The following TTLL7 variants were observed in gnomAD, a reference collection of about 807,000 sequenced individuals.
TTLL7 encodes the protein tubulin polyglutamylase TTLL7.
Under a neutral mutation model 120.2 loss-of-function variants are expected in TTLL7, and 53 were observed. The observed-to-expected ratio is 0.44, with a 90% CI of 0.35 to 0.55. TTLL7 has a LOEUF of 0.55. Ranked by LOEUF, TTLL7 falls within the 20% of genes least tolerant of loss-of-function variation. The probability of loss-of-function intolerance (pLI) is 0.00; values close to 1 mark genes in which losing one functional copy is unlikely to be tolerated. For synonymous variants in TTLL7, 353 were observed against 351.7 expected (o/e 1.00, Z -0.04); for missense variants, 803 against 1,054.7 (o/e 0.76, Z 3.31).
chr1:83,935,342 T>A (rs1455587715), intron 8 of TTLL7, among the ~76,000 whole-genome samples: 1 of 152,052 alleles, frequency 6.6e-6, no homozygotes, highest in Non-Finnish European at 1.5e-5. Flanking sequence ...TACAAATCTG[T>A]GTTTTTGCTA....
chr1:83,977,371 C>G (rs1052676415), intron 1 of TTLL7, among the ~76,000 whole-genome samples: 1 of 151,960 alleles, frequency 6.6e-6, no homozygotes, highest in African/African-American at 2.4e-5. Flanking sequence ...ACAATTCAGC[C>G]AGTCTTTCTG....
At chr1:83,933,856 GC>G (rs1659802043) in intron 8 of TTLL7, 90 bp from the exon 9 acceptor site, 1 of 1,302,548 alleles carries the variant, frequency 7.7e-7, no homozygotes, top group African/African-American at 1.5e-5. Flanking sequence ...TGGCAGCCTG[GC>G]CAAGTTTACA....
chr1:83,972,947 T>A (rs1651126436), intron 1 of TTLL7, among the ~76,000 whole-genome samples: 1 of 152,108 alleles, frequency 6.6e-6, no homozygotes, highest in South Asian at 2.1e-4. Flanking sequence ...GTTTTAAGAG[T>A]TCTTTGTATA....
At position 83,918,201 on chromosome 1, in the gene TTLL7, G is replaced by A. The variant is rs143935159; in HGVS notation, c.1501-511C>T. Reference sequence around the variant, plus strand: ...AAACTCTTTCAAAATTTTAATGATTGCACAAAGTATTTTTAGAACTTTATA... The same window carrying A: ...AAACTCTTTCAAAATTTTAATGATTACACAAAGTATTTTTAGAACTTTATA... On this transcript the variant is annotated intron_variant, in intron 13 of 20. Coordinates refer to ENST00000260505, the MANE Select transcript of TTLL7 (RefSeq NM_024686.6). 2.0e-5 allele frequency among the ~76,000 whole-genome samples: 3 copies of A among 152,212 alleles called. No homozygotes were observed. In the East Asian group the frequency reaches 5.8e-4, roughly 29 times the overall value.
At chr1:83,910,196 CGTAA>C (rs1340739927) in intron 15 of TTLL7, among the ~76,000 whole-genome samples, 1 of 152,140 alleles carries the variant, frequency 6.6e-6, no homozygotes, top group South Asian at 2.1e-4. Flanking sequence ...TGCATTTTGC[CGTAA>C]GTGTTTAAGG....
At chr1:83,942,004 T>C (rs563119658) in intron 7 of TTLL7, among the ~76,000 whole-genome samples, 1 of 152,318 alleles carries the variant, frequency 6.6e-6, no homozygotes, top group African/African-American at 2.4e-5. Context: ...TTTCATATAC[T>C]TTCTCCCACA....
At chr1:83,919,072 C>A (rs555030930) in intron 13 of TTLL7, among the ~76,000 whole-genome samples, 3 of 152,030 alleles carry the variant, frequency 2.0e-5, no homozygotes, top group Admixed American at 1.3e-4. Flanking sequence ...GTGAAGCTAC[C>A]CTGGATTTCT....
In TTLL7 at chr1:83,892,431, TATATATGAACATATGAATGAAC is replaced by T. The variant is rs1344871006; in HGVS notation, c.2209-1972_2209-1951del. On this transcript the variant is annotated intron_variant, in intron 18 of 20. Coordinates refer to ENST00000260505, the MANE Select transcript of TTLL7 (RefSeq NM_024686.6). ...ATATATATGAACATATATATGAACATATATATGAACATATGAATGAACATATATGAACATATATATGAACATA... is the reference window on the plus strand; with the variant it reads ...ATATATATGAACATATATATGAACATATATATGAACATATATATGAACATA... Among the ~76,000 whole-genome samples the T allele has an allele frequency of 3.4e-3, 483 of 141,486 alleles. 62 individuals carry two copies. Among genetic ancestry groups the T allele is most frequent in the African/African-American group, 0.011 (407 of 38,386 alleles). The allele number at this position is 141,486 out of a possible 152,430, so 92.8% of individuals were successfully genotyped here. A position where few individuals can be genotyped will look rare whatever the true frequency, so the allele number is the denominator to read the frequency against.
intron 6 of TTLL7, among the ~76,000 whole-genome samples, 153 bp downstream of exon 6, chr1:83,946,971 C>T (rs1648565359): frequency 6.6e-6 from 1 of 152,240 alleles, no homozygotes; most frequent in Admixed American, 6.5e-5. Context: ...GAATAGAGAT[C>T]ATTAAATATT....
rs188136950 is a variant in TTLL7, at chr1:83,997,344, G to A, written c.-177+1587C>T. ...AAGAAAAAATCTGTAAGTCGCTAAT[G>A]AAAGCAAGTCAAAGGACCCATCAAC... is the stretch of plus-strand genomic sequence containing the variant. On this transcript the variant is annotated intron_variant, in intron 1 of 20. Coordinates refer to ENST00000260505, the MANE Select transcript of TTLL7 (RefSeq NM_024686.6). 1.6e-4 allele frequency among the ~76,000 whole-genome samples: 25 copies of A among 152,296 alleles called. No individual in the cohort carries two copies. The East Asian group carries it at 4.1e-3, about 25-fold the overall frequency.
At chr1:83,882,252 A>T (rs1033781181) in intron 20 of TTLL7, among the ~76,000 whole-genome samples, 5 of 149,634 alleles carry the variant, frequency 3.3e-5, no homozygotes, top group Admixed American at 6.7e-5. Flanking sequence ...AATAAAATAA[A>T]AATAATAATA....
chr1:83,993,724 G>A (rs1653210258), intron 1 of TTLL7, among the ~76,000 whole-genome samples: 1 of 152,068 alleles, frequency 6.6e-6, no homozygotes, highest in Non-Finnish European at 1.5e-5. Flanking sequence ...GGAAACATAA[G>A]CCAACTAGTT....
intron 10 of TTLL7, 48 bp from the exon 11 acceptor site, chr1:83,921,442 G>T: frequency 6.3e-7 from 1 of 1,588,338 alleles, no homozygotes; most frequent in East Asian, 2.2e-5. Context: ...AACAAGTTCT[G>T]ATCTTATCCC....
intron 1 of TTLL7, among the ~76,000 whole-genome samples, chr1:83,973,210 C>T (rs1571352511): frequency 6.6e-6 from 1 of 151,976 alleles, no homozygotes; most frequent in South Asian, 2.1e-4. Context: ...TTGCATTGTA[C>T]ATTTAGCTAT....
At chr1:83,909,560 A>G (rs1428471547) in intron 15 of TTLL7, among the ~76,000 whole-genome samples, 3 of 152,052 alleles carry the variant, frequency 2.0e-5, no homozygotes, top group Non-Finnish European at 4.4e-5. Flanking sequence ...ACACAAAGTG[A>G]AAGACTTGTT....
At chr1:83,993,965 A>C (rs1653236951) in intron 1 of TTLL7, among the ~76,000 whole-genome samples, 1 of 152,198 alleles carries the variant, frequency 6.6e-6, no homozygotes, top group South Asian at 2.1e-4. Flanking sequence ...CAGGAAAAAT[A>C]TTTGCTAAGC....
intron 1 of TTLL7, among the ~76,000 whole-genome samples, chr1:83,963,118 T>A (rs371341850): frequency 6.6e-6 from 1 of 152,148 alleles, no homozygotes; most frequent in African/African-American, 2.4e-5. Flanking sequence ...CACTACTTCC[T>A]CATTCTCAAA....
At chr1:83,936,026 T>C (rs1436023536) in intron 8 of TTLL7, among the ~76,000 whole-genome samples, 1 of 152,124 alleles carries the variant, frequency 6.6e-6, no homozygotes, top group African/African-American at 2.4e-5. Flanking sequence ...GATGCAAAAT[T>C]TACCCACCTA....
intron 10 of TTLL7, among the ~76,000 whole-genome samples, chr1:83,923,531 C>G (rs548501439): frequency 1.3e-5 from 2 of 152,140 alleles, no homozygotes; most frequent in South Asian, 2.1e-4. Context: ...TATACACAAA[C>G]AGTTTGAACA....
Sources: allele counts gnomAD v4.1 joint callset (sites outside exome capture counted in the v4.1 genomes callset), GRCh38; gene constraint gnomAD v4.1.1; transcripts MANE v1.5; gene names NCBI Gene and HGNC (gene_info 2026-07-23, HGNC 2026-07-21).